The following CDHR3 variants were observed in gnomAD, a reference collection of about 807,000 sequenced individuals.
CDHR3 encodes the protein cadherin-related family member 3.
Under a neutral mutation model 86.6 loss-of-function variants are expected in CDHR3, and 79 were observed. That is an observed-to-expected ratio of 0.91 (90% CI 0.76 to 1.10). The LOEUF (loss-of-function observed/expected upper bound fraction) is 1.10, where lower values mean the gene tolerates loss of function less well. Ranked by LOEUF, CDHR3 falls within the 50% of genes least tolerant of loss-of-function variation. The pLI is 0.00. For synonymous variants in CDHR3, 421 were observed against 402.4 expected, an observed-to-expected ratio of 1.05 and a Z score of -0.55; for missense variants, 1,081 against 1,077.6, an observed-to-expected ratio of 1.00 and a Z score of -0.04.
At chr7:106,014,109 C>A (rs552785546) in intron 9 of CDHR3, among the ~76,000 whole-genome samples, 5 of 152,046 alleles carry the variant, frequency 3.3e-5, no homozygotes, top group African/African-American at 9.7e-5. Flanking sequence ...TACAGGAGTG[C>A]GCCACTGTGC....
intron 17 of CDHR3, among the ~76,000 whole-genome samples, chr7:106,029,388 C>A (rs1324743150): frequency 1.3e-5 from 2 of 152,212 alleles, no homozygotes; most frequent in Non-Finnish European, 2.9e-5. Context: ...ACCTCGGGGA[C>A]TTCCTTGGCC....
At chr7:106,018,140 C>G (rs1203680543) in intron 12 of CDHR3, 68 bp downstream of exon 12, 5 of 1,306,242 alleles carry the variant, frequency 3.8e-6, no homozygotes, top group Non-Finnish European at 1.1e-6. Flanking sequence ...CTGGCACCCC[C>G]AGAGTGTGGA....
intron 7 of CDHR3, 91 bp from the exon 8 acceptor site, chr7:106,004,407 T>C (rs546968028): frequency 1.2e-5 from 12 of 973,978 alleles, no homozygotes; most frequent in Non-Finnish European, 1.7e-5. Context: ...CTCTTCCTCA[T>C]GTTCGAATGG....
chr7:105,988,356 T>G (rs1438045276), intron 4 of CDHR3, among the ~76,000 whole-genome samples: 1 of 152,200 alleles, frequency 6.6e-6, no homozygotes, highest in African/African-American at 2.4e-5. Context: ...CAAGAACCAC[T>G]GGACTGAACA....
At chr7:105,987,345 T>G (rs941973330) in intron 4 of CDHR3, among the ~76,000 whole-genome samples, 1 of 152,200 alleles carries the variant, frequency 6.6e-6, no homozygotes, top group African/African-American at 2.4e-5. Context: ...GTGCTGGAAC[T>G]AACAGCTGTA....
At position 106,026,787 on chromosome 7, in the gene CDHR3, G is replaced by A. The variant is rs374453144; in HGVS notation, c.2272+92G>A. The A allele has an allele frequency of 4.0e-5, 52 of 1,316,232 alleles. No individual in the cohort carries two copies. The African/African-American group carries it at 5.1e-4, about 13-fold the overall frequency. 81.5% of individuals were successfully genotyped at this position (1,316,232 alleles called of 1,614,324 possible). The stretch of plus-strand genomic sequence containing the variant: ...TTCCTACTCGGCAAAGAATCAGGCC[G>A]CGATCACATCTTGGAGCATTTTCAG... On this transcript the variant is annotated intron_variant, in intron 16 of 18. Coordinates refer to ENST00000317716, the MANE Select transcript of CDHR3 (RefSeq NM_152750.5).
At chr7:106,020,594 A>T in intron 13 of CDHR3, 50 bp downstream of exon 13, 7 of 1,577,316 alleles carry the variant, frequency 4.4e-6, no homozygotes, top group Non-Finnish European at 6.0e-6. Flanking sequence ...AGGACCCTGA[A>T]GTTGTCTAGG....
chr7:106,012,639 T>A (rs1834987786), intron 8 of CDHR3, among the ~76,000 whole-genome samples: 1 of 152,162 alleles, frequency 6.6e-6, no homozygotes, highest in South Asian at 2.1e-4. Flanking sequence ...AGTGACGTGA[T>A]CTGACAACAT....
intron 14 of CDHR3, among the ~76,000 whole-genome samples, chr7:106,022,674 C>T (rs939838356): frequency 1.3e-5 from 2 of 152,194 alleles, no homozygotes. Flanking sequence ...ATTTCCTGTT[C>T]TGGTAGAGAA....
At chr7:106,029,271 G>A (rs1274799048) in intron 17 of CDHR3, among the ~76,000 whole-genome samples, 1 of 152,080 alleles carries the variant, frequency 6.6e-6, no homozygotes, top group Non-Finnish European at 1.5e-5. Flanking sequence ...ATGAGCCACT[G>A]CGCCCAGCTG....
intron 14 of CDHR3, among the ~76,000 whole-genome samples, chr7:106,022,975 C>T (rs1251607411): frequency 6.6e-6 from 1 of 152,178 alleles, no homozygotes; most frequent in African/African-American, 2.4e-5. Flanking sequence ...GATTTAATGC[C>T]TATAGTGTGC....
At chr7:105,976,741 G>A (rs1380026453) in intron 2 of CDHR3, among the ~76,000 whole-genome samples, 1 of 152,112 alleles carries the variant, frequency 6.6e-6, no homozygotes, top group Non-Finnish European at 1.5e-5. Flanking sequence ...CTTTCCCTTA[G>A]CATAAGGTTC....
intron 2 of CDHR3, among the ~76,000 whole-genome samples, chr7:105,980,647 C>CT (rs777287188): frequency 1.4e-5 from 1 of 71,046 alleles, no homozygotes; most frequent in Non-Finnish European, 2.6e-5. Context: ...TTATTATACT[C>CT]TAAGTTTTAG....
Position 106,030,838 on chromosome 7 carries a change from C to T in CDHR3, c.2351C>T (p.Pro784Leu). The part of the protein sequence containing the change: ...NTIFDGEAID[P>L]VTGETYEFNS... The stretch of plus-strand genomic sequence containing the variant: ...ATCTTTGATGGAGAAGCCATAGATC[C>T]AGGTAATTAAGTGGCAATACCACTG... Residue 784 changes from proline (P) to leucine (L), a missense_variant and splice_region_variant, in exon 18 of 19, where the codon CCA (proline) becomes CTA (leucine). Transcript: ENST00000317716. The surrounding 1 kb of genome is among the most constrained non-coding windows in gnomAD (Gnocchi z 4.8). 6.2e-7 allele frequency: 1 copy of T among 1,610,258 alleles called. No homozygotes were observed. Among genetic ancestry groups the T allele is most frequent in the Non-Finnish European group, 8.5e-7 (1 of 1,178,246 alleles).
At position 106,026,598 on chromosome 7, in the gene CDHR3, GC is replaced by G. The variant is rs1263700909; in HGVS notation, c.2259-81del. On this transcript the variant is annotated intron_variant, in intron 15 of 18. Coordinates refer to ENST00000317716, the MANE Select transcript of CDHR3 (RefSeq NM_152750.5). ...CCCCTGTATCTCAAAGGGCATAGTT[GC>G]CCAAAGAACCCCATGGTGTCATGTG... The G allele has an allele frequency of 4.2e-6, 6 of 1,436,130 alleles. No individual in the cohort carries two copies. In the African/African-American group the frequency reaches 5.6e-5, roughly 13 times the overall value. The allele number at this position is 1,436,130 out of a possible 1,614,324, so 89.0% of individuals were successfully genotyped here.
At chr7:105,967,736 G>A (rs2115595452) in intron 1 of CDHR3, among the ~76,000 whole-genome samples, 1 of 152,230 alleles carries the variant, frequency 6.6e-6, no homozygotes, top group East Asian at 1.9e-4. Flanking sequence ...TGTGTCTGTT[G>A]GCTGCATAAA....
At chr7:105,964,256 T>C (rs969455515) in intron 1 of CDHR3, among the ~76,000 whole-genome samples, 3 of 152,186 alleles carry the variant, frequency 2.0e-5, no homozygotes, top group Non-Finnish European at 4.4e-5. Context: ...CTAGTTCTTT[T>C]ACTTTTTCTT....
At chr7:105,999,278 G>A (rs946827490) in intron 6 of CDHR3, among the ~76,000 whole-genome samples, 8 of 152,210 alleles carry the variant, frequency 5.3e-5, no homozygotes, top group African/African-American at 1.9e-4. Context: ...CTCCTGCCAG[G>A]CTTAATGTCA....
chr7:105,984,789 AAG>A (rs1209682215), intron 4 of CDHR3, among the ~76,000 whole-genome samples: 1 of 152,192 alleles, frequency 6.6e-6, no homozygotes, highest in Non-Finnish European at 1.5e-5. Context: ...AAAATTAAAA[AAG>A]AGGCCAGATG....
Sources: gnomAD v4.1 joint callset for allele counts (sites outside exome capture counted in the v4.1 genomes callset) on GRCh38, gnomAD v4.1.1 for gene constraint, Gnocchi (gnomAD v3.1) non-coding constraint, MANE v1.5 for transcripts, NCBI Gene and HGNC (gene_info 2026-07-23, HGNC 2026-07-21) for gene names.